HDX: variants seen among roughly 807,000 people sequenced by gnomAD.
HDX encodes highly divergent homeobox.
Under a neutral mutation model 45.2 loss-of-function variants are expected in HDX, and 19 were observed. The ratio of observed to expected loss-of-function variants is 0.42; its 90% CI spans 0.29 to 0.62. The LOEUF is 0.62. Ranked by LOEUF, HDX falls within the 20% of genes least tolerant of loss-of-function variation. The pLI is 0.20. For missense variants in HDX, 532 were observed against 493.9 expected (o/e 1.08, Z -0.73); for synonymous variants, 188 against 172.8 (o/e 1.09, Z -0.69).
intron 5 of HDX, among the ~76,000 whole-genome samples, chrX:84,409,082 C>A (rs2038914701): frequency 9.0e-6 from 1 of 110,798 alleles, no homozygotes; most frequent in Non-Finnish European, 1.9e-5. Context: ...AGACACTTCT[C>A]AAAAGAAGAC....
At chrX:84,433,977 C>A (rs775448325) in intron 5 of HDX, among the ~76,000 whole-genome samples, 2 of 110,594 alleles carry the variant, frequency 1.8e-5, no homozygotes, top group African/African-American at 3.3e-5. Context: ...TGATTTAATT[C>A]TCATCCTGTT....
chrX:84,483,803 G>A (rs1271272320), intron 2 of HDX, among the ~76,000 whole-genome samples: 1 of 111,748 alleles, frequency 8.9e-6, no homozygotes, highest in Non-Finnish European at 1.9e-5. Context: ...GCTTCCTCTT[G>A]AATGCTTTGT....
At chrX:84,418,012 C>T (rs1220335272) in intron 5 of HDX, among the ~76,000 whole-genome samples, 1 of 111,932 alleles carries the variant, frequency 8.9e-6, no homozygotes, top group Non-Finnish European at 1.9e-5. Context: ...AGAGAAAACA[C>T]TATATTATGG....
intron 9 of HDX, among the ~76,000 whole-genome samples, chrX:84,326,670 G>A (rs1417082776): frequency 9.0e-6 from 1 of 111,118 alleles, no homozygotes; most frequent in Non-Finnish European, 1.9e-5. Flanking sequence ...CCAGCACTTT[G>A]GGAGGCCGAG....
intron 5 of HDX, among the ~76,000 whole-genome samples, chrX:84,410,062 T>TAAAAAAAAAAAAAAAA (rs1215257762): frequency 1.3e-5 from 1 of 74,595 alleles, no homozygotes; most frequent in Non-Finnish European, 2.4e-5. Flanking sequence ...CAAAAAAGAT[T>TAAAAAAAAAAAAAAAA]AAAAAAAAAA....
At chrX:84,352,025 C>A (rs1218436648) in intron 6 of HDX, among the ~76,000 whole-genome samples, 3 of 111,908 alleles carry the variant, frequency 2.7e-5, no homozygotes, top group Non-Finnish European at 5.6e-5. Context: ...ACAGTTTAGA[C>A]TTTCAGCTGT....
chrX:84,337,852 G>A (rs773369983), intron 7 of HDX, among the ~76,000 whole-genome samples: 12 of 111,140 alleles, frequency 1.1e-4, no homozygotes, highest in South Asian at 7.5e-4. Context: ...TCTCCAGGCT[G>A]AGCTAGGGGA....
At chrX:84,442,693 C>T (rs761197438) in intron 4 of HDX, among the ~76,000 whole-genome samples, 208 of 110,648 alleles carry the variant, frequency 1.9e-3, no homozygotes, top group Non-Finnish European at 2.7e-3. Flanking sequence ...GGAAATACAT[C>T]CGCTTAAATA....
chrX:84,426,883 T>G (rs1043325163), intron 5 of HDX, among the ~76,000 whole-genome samples: 3 of 110,649 alleles, frequency 2.7e-5, no homozygotes, highest in African/African-American at 6.5e-5. Context: ...ATTATGTATA[T>G]CTATATCAAA....
chrX:84,382,422 A>G (rs779082489), intron 5 of HDX, among the ~76,000 whole-genome samples: 1 of 112,076 alleles, frequency 8.9e-6, no homozygotes, highest in Non-Finnish European at 1.9e-5. Flanking sequence ...AGTTTACAAT[A>G]GCCAAAATTT....
chrX:84,396,089 A>C (rs1254228318), intron 5 of HDX, among the ~76,000 whole-genome samples: 1 of 112,086 alleles, frequency 8.9e-6, no homozygotes, highest in East Asian at 2.8e-4. Flanking sequence ...TTTCTGAAGA[A>C]TTATTGTGCT....
chrX:84,438,409 C>G (rs2148054970), intron 5 of HDX, among the ~76,000 whole-genome samples: 1 of 110,858 alleles, frequency 9.0e-6, no homozygotes, highest in East Asian at 2.8e-4. Context: ...TTTCTAATTT[C>G]AACTCTTATT....
In HDX at chrX:84,318,583, G is replaced by T. The variant is rs1434790232; in HGVS notation, c.*3306C>A. 9.1e-6 allele frequency: 1 copy of T among 110,473 alleles called. No individual in the cohort carries two copies. Among genetic ancestry groups the T allele is most frequent in the Non-Finnish European group, 1.9e-5 (1 of 52,421 alleles). 9.1% of individuals were successfully genotyped at this position (110,473 alleles called of 1,213,427 possible). ...ATTCCCACCACCCCCACCAAAAAAG[G>T]CAACAAAGTCCATTTTAGAGCCCAA... On this transcript the variant is annotated 3_prime_UTR_variant, in exon 11 of 11. Coordinates refer to ENST00000373177, the MANE Select transcript of HDX (RefSeq NM_001177479.2).
intron 2 of HDX, among the ~76,000 whole-genome samples, chrX:84,479,650 C>T (rs190929298): frequency 9.8e-4 from 109 of 111,785 alleles, no homozygotes; most frequent in African/African-American, 3.5e-3. Context: ...ATTGGCTGTA[C>T]AAATTCGCAT....
rs1159169859 is a variant in HDX, at chrX:84,333,758, C to T, written c.1824+1G>A. The T allele has an allele frequency of 1.2e-6, 1 of 847,927 alleles. No homozygotes were observed. Among genetic ancestry groups the T allele is most frequent in the Admixed American group, 2.4e-5 (1 of 40,984 alleles). 69.9% of individuals were successfully genotyped at this position (847,927 alleles called of 1,213,427 possible). A position where few individuals can be genotyped will look rare whatever the true frequency, so the allele number is the denominator to read the frequency against. On this transcript the variant is annotated splice_donor_variant, in intron 9 of 10. Transcript: ENST00000373177. LOFTEE classifies it high-confidence loss of function. ...TAAATTCATAATTTAAAATTACCTA[C>T]CTTATAATCCAAGAAAGAGTTTACT...
intron 2 of HDX, among the ~76,000 whole-genome samples, chrX:84,482,393 A>G (rs2040705209): frequency 1.8e-5 from 2 of 111,623 alleles, no homozygotes; most frequent in African/African-American, 3.3e-5. Context: ...ACAGTTCTGC[A>G]TGGCTGGGGA....
chrX:84,343,663 C>A (rs1324040548), intron 7 of HDX, among the ~76,000 whole-genome samples: 3 of 110,875 alleles, frequency 2.7e-5, no homozygotes, highest in African/African-American at 9.8e-5. Context: ...AAAAGAGAAT[C>A]CTATCTATGC....
chrX:84,493,908 C>A (rs1417122709), intron 1 of HDX, among the ~76,000 whole-genome samples: 1 of 110,908 alleles, frequency 9.0e-6, no homozygotes, highest in Non-Finnish European at 1.9e-5. Context: ...AATGGATAGC[C>A]CATTTTCCAT....
At chrX:84,417,220 G>A (rs6524302) in intron 5 of HDX, among the ~76,000 whole-genome samples, 1,329 of 69,134 alleles carry the variant, frequency 0.019, 5 homozygotes, top group South Asian at 0.062. Context: ...AAAAAAGAGA[G>A]AAAGAAAGAA....
Sources: allele counts gnomAD v4.1 joint callset (sites outside exome capture counted in the v4.1 genomes callset), GRCh38; gene constraint gnomAD v4.1.1; transcripts MANE v1.5; gene names NCBI Gene and HGNC (gene_info 2026-07-23, HGNC 2026-07-21).